Variants in ADAMTSL1 observed in about 807,000 individuals in gnomAD.
ADAMTSL1 encodes ADAMTS-like protein 1.
A neutral mutation model predicts 201.8 loss-of-function variants in ADAMTSL1; 126 were observed. The observed-to-expected ratio is 0.62, with a 90% CI of 0.54 to 0.72. The LOEUF is 0.72. Ranked by LOEUF, ADAMTSL1 falls within the 30% of genes least tolerant of loss-of-function variation. The pLI, the probability that ADAMTSL1 is intolerant of heterozygous loss-of-function variation, is 0.00. For missense variants in ADAMTSL1, 2,679 were observed against 2,277.8 expected (o/e 1.18, Z -3.59); for synonymous variants, 1,121 against 903.4 (o/e 1.24, Z -4.32).
chr9:18,898,966 G>A lies in ADAMTSL1; in HGVS notation c.4851+6370G>A, dbSNP rs150884375. Among the ~76,000 whole-genome samples the A allele has an allele frequency of 6.6e-5, 10 of 152,288 alleles. No homozygotes were observed. The East Asian group carries it at 1.9e-3, about 29-fold the overall frequency. On this transcript the variant is annotated intron_variant, in intron 26 of 28. Coordinates refer to ENST00000380548, the MANE Select transcript of ADAMTSL1 (RefSeq NM_001040272.6). ...TTCTCGCCAGGGCAATCAGGCAAGAGAAAGAAAGCAAGCATATTCAAATAG... is the reference window on the plus strand; with the variant it reads ...TTCTCGCCAGGGCAATCAGGCAAGAAAAAGAAAGCAAGCATATTCAAATAG...
intron 27 of ADAMTSL1, among the ~76,000 whole-genome samples, chr9:18,906,342 C>A (rs758198102): frequency 1.3e-5 from 2 of 152,116 alleles, no homozygotes; most frequent in Non-Finnish European, 2.9e-5. Flanking sequence ...TATGACACTT[C>A]CTTATAGATG....
intron 8 of ADAMTSL1, among the ~76,000 whole-genome samples, chr9:18,660,808 G>T (rs1036483854): frequency 6.7e-6 from 1 of 148,996 alleles, no homozygotes; most frequent in Non-Finnish European, 1.5e-5. Flanking sequence ...ATTTTAAAAG[G>T]CCTTTTTTTT....
chr9:18,217,920 G>A (rs1263291678), intron 2 of ADAMTSL1, among the ~76,000 whole-genome samples: 2 of 151,930 alleles, frequency 1.3e-5, no homozygotes, highest in African/African-American at 4.8e-5. Flanking sequence ...CAACTTGGGA[G>A]TGGGGGTAAG....
rs540550211 is a variant in ADAMTSL1, at chr9:18,674,217, C to T, written c.1086-1640C>T. On this transcript the variant is annotated intron_variant, in intron 9 of 28. Coordinates refer to ENST00000380548, the MANE Select transcript of ADAMTSL1 (RefSeq NM_001040272.6). The stretch of plus-strand genomic sequence containing the variant: ...ACACAGGCACACACACACACACACA[C>T]ACACAAACACACACATCATGAAAAT... Among the ~76,000 whole-genome samples the T allele has an allele frequency of 5.0e-4, 73 of 145,962 alleles. 1 individual carries two copies. Among genetic ancestry groups the T allele is most frequent in the African/African-American group, 1.7e-3 (65 of 38,982 alleles).
intron 1 of ADAMTSL1, among the ~76,000 whole-genome samples, chr9:18,098,225 T>C (rs1440090576): frequency 6.6e-6 from 1 of 152,134 alleles, no homozygotes; most frequent in Non-Finnish European, 1.5e-5. Context: ...GTAATAAGTA[T>C]TGAAAACCAG....
chr9:18,478,684 G>C (rs1304461331), intron 1 of ADAMTSL1, among the ~76,000 whole-genome samples: 1 of 152,154 alleles, frequency 6.6e-6, no homozygotes, highest in East Asian at 1.9e-4. Flanking sequence ...GGTCTCATGA[G>C]TAGAGTGACC....
At chr9:18,897,655 C>G (rs1829730805) in intron 26 of ADAMTSL1, among the ~76,000 whole-genome samples, 1 of 152,166 alleles carries the variant, frequency 6.6e-6, no homozygotes, top group Non-Finnish European at 1.5e-5. Flanking sequence ...AAATAGAAAA[C>G]AATAACAACA....
At chr9:17,952,139 A>G (rs1291605922) in intron 1 of ADAMTSL1, among the ~76,000 whole-genome samples, 1 of 150,058 alleles carries the variant, frequency 6.7e-6, no homozygotes, top group Admixed American at 6.6e-5. Context: ...TTTTTTGTAA[A>G]GATGGAATCT....
chr9:18,559,400 G>T (rs1377352820), intron 3 of ADAMTSL1, among the ~76,000 whole-genome samples: 1 of 152,090 alleles, frequency 6.6e-6, no homozygotes, highest in East Asian at 1.9e-4. Context: ...TGCTGTTTTG[G>T]TTACTGTAGC....
At chr9:18,401,887 G>C (rs904463016) in intron 2 of ADAMTSL1, among the ~76,000 whole-genome samples, 2 of 152,144 alleles carry the variant, frequency 1.3e-5, no homozygotes, top group African/African-American at 2.4e-5. Flanking sequence ...GGGTATGGGG[G>C]CAAGCAGGCT....
intron 2 of ADAMTSL1, among the ~76,000 whole-genome samples, chr9:18,279,718 A>AT (rs960978338): frequency 2.0e-5 from 3 of 152,038 alleles, no homozygotes; most frequent in Non-Finnish European, 2.9e-5. Flanking sequence ...ATCTACACAG[A>AT]TTTTTTTTCT....
chr9:18,088,825 G>C (rs1823878405), intron 1 of ADAMTSL1, among the ~76,000 whole-genome samples: 1 of 152,136 alleles, frequency 6.6e-6, no homozygotes, highest in African/African-American at 2.4e-5. Flanking sequence ...AAACAGAAAG[G>C]TGGTTCCTCA....
chr9:18,883,862 A>ATGC (rs1483937621), intron 23 of ADAMTSL1, among the ~76,000 whole-genome samples: 4 of 152,334 alleles, frequency 2.6e-5, no homozygotes, highest in Middle Eastern at 6.8e-3. Flanking sequence ...ATTATGAATA[A>ATGC]TGCTGCTATG....
chr9:18,182,140 G>A (rs1384175153), intron 2 of ADAMTSL1, among the ~76,000 whole-genome samples: 1 of 143,708 alleles, frequency 7.0e-6, no homozygotes, highest in Non-Finnish European at 1.5e-5. Context: ...GCCTGTTGTG[G>A]TGTGGGGGGA....
At chr9:18,193,438 C>T (rs1829049955) in intron 2 of ADAMTSL1, among the ~76,000 whole-genome samples, 1 of 152,054 alleles carries the variant, frequency 6.6e-6, no homozygotes, top group South Asian at 2.1e-4. Flanking sequence ...AGCAATGGAG[C>T]TGTTCAGAAA....
intron 23 of ADAMTSL1, among the ~76,000 whole-genome samples, chr9:18,874,707 T>C (rs937622923): frequency 6.6e-6 from 1 of 152,174 alleles, no homozygotes; most frequent in Non-Finnish European, 1.5e-5. Context: ...TTTACATTGA[T>C]GTTCACCAGC....
chr9:18,556,369 T>C (rs1821109927), intron 3 of ADAMTSL1, among the ~76,000 whole-genome samples: 1 of 152,034 alleles, frequency 6.6e-6, no homozygotes. Context: ...ACATATGTGG[T>C]CAATAGTTAT....
chr9:18,828,696 A>ATATATATATT lies in ADAMTSL1; in HGVS notation c.4115-1147_4115-1146insTATATATATT, dbSNP rs1384860090. On this transcript the variant is annotated intron_variant, in intron 22 of 28. Transcript: ENST00000380548. ...TATATATATATATATATATATATAA[A>ATATATATATT]ATGTGTGTGTGTGTATATATATATA... Among the ~76,000 whole-genome samples the ATATATATATT allele has an allele frequency of 1.7e-3, 152 of 91,048 alleles. 7 individuals are homozygous for ATATATATATT. Among genetic ancestry groups the ATATATATATT allele is most frequent in the South Asian group, 0.014 (37 of 2,564 alleles). 59.7% of individuals were successfully genotyped at this position (91,048 alleles called of 152,430 possible). A position where few individuals can be genotyped will look rare whatever the true frequency, so the allele number is the denominator to read the frequency against.
chr9:18,875,194 A>G (rs947673032), intron 23 of ADAMTSL1, among the ~76,000 whole-genome samples: 3 of 152,002 alleles, frequency 2.0e-5, no homozygotes, highest in East Asian at 3.9e-4. Context: ...GTTTTGTTTC[A>G]TCTTTTTAAA....
Sources: gnomAD v4.1 joint callset for allele counts (sites outside exome capture counted in the v4.1 genomes callset) on GRCh38, gnomAD v4.1.1 for gene constraint, MANE v1.5 for transcripts, NCBI Gene and HGNC (gene_info 2026-07-23, HGNC 2026-07-21) for gene names.